Variants in NTNG1 observed in about 807,000 individuals in gnomAD.
The protein encoded by NTNG1 is netrin-G1.
Under a neutral mutation model 54.0 loss-of-function variants are expected in NTNG1, and 16 were observed. The ratio of observed to expected loss-of-function variants is 0.30; its 90% CI spans 0.20 to 0.45. The LOEUF (loss-of-function observed/expected upper bound fraction) is 0.45, where lower values mean the gene tolerates loss of function less well. NTNG1 is among the 20% of genes least tolerant of loss of function. The probability of loss-of-function intolerance (pLI) is 1.00; values close to 1 mark genes in which losing one functional copy is unlikely to be tolerated. For synonymous variants in NTNG1, 255 were observed against 263.1 expected (o/e 0.97, Z 0.30); for missense variants, 530 against 678.7 (o/e 0.78, Z 2.43).
chr1:107,357,157 G>A (rs948874364), intron 3 of NTNG1, among the ~76,000 whole-genome samples: 10 of 152,130 alleles, frequency 6.6e-5, no homozygotes, highest in African/African-American at 2.2e-4. Flanking sequence ...AATTGGCCCT[G>A]ACAATTGTGT....
At chr1:107,183,609 T>C (rs1657231067) in intron 2 of NTNG1, among the ~76,000 whole-genome samples, 1 of 152,130 alleles carries the variant, frequency 6.6e-6, no homozygotes, top group African/African-American at 2.4e-5. Context: ...TTGGAGGACA[T>C]CGAGCTTTTG....
At chr1:107,283,450 A>G (rs747553311) in intron 2 of NTNG1, among the ~76,000 whole-genome samples, 1 of 152,134 alleles carries the variant, frequency 6.6e-6, no homozygotes, top group Non-Finnish European at 1.5e-5. Context: ...AAAGAGCACC[A>G]AACCCACATG....
At chr1:107,281,768 A>G (rs1337218139) in intron 2 of NTNG1, among the ~76,000 whole-genome samples, 2 of 152,172 alleles carry the variant, frequency 1.3e-5, no homozygotes, top group African/African-American at 4.8e-5. Flanking sequence ...ACTGTCCATG[A>G]CAATATAAAC....
intron 2 of NTNG1, among the ~76,000 whole-genome samples, chr1:107,243,450 A>G (rs1001618966): frequency 3.3e-5 from 5 of 152,232 alleles, no homozygotes; most frequent in Non-Finnish European, 5.9e-5. Flanking sequence ...AAGTCCCACC[A>G]CTGTTAAATG....
chr1:107,425,578 C>A (rs1674852818), intron 5 of NTNG1, among the ~76,000 whole-genome samples: 1 of 152,048 alleles, frequency 6.6e-6, no homozygotes. Context: ...TTTAATCAAC[C>A]ATTGGTGGAC....
At chr1:107,318,437 C>G (rs568771606) in intron 2 of NTNG1, among the ~76,000 whole-genome samples, 32 of 130,800 alleles carry the variant, frequency 2.4e-4, no homozygotes, top group African/African-American at 7.7e-4. Context: ...AAAGTGTTTC[C>G]TTTGAAAAGG....
intron 2 of NTNG1, among the ~76,000 whole-genome samples, chr1:107,181,280 C>G (rs185241437): frequency 6.6e-6 from 1 of 152,264 alleles, no homozygotes; most frequent in East Asian, 1.9e-4. Flanking sequence ...ATAAAAAATA[C>G]ATTTCAGTGA....
chr1:107,316,079 A>C (rs1667321527), intron 2 of NTNG1, among the ~76,000 whole-genome samples: 1 of 152,208 alleles, frequency 6.6e-6, no homozygotes, highest in Admixed American at 6.5e-5. Context: ...CTTTAAAAAT[A>C]CCAGTTCCTG....
intron 3 of NTNG1, among the ~76,000 whole-genome samples, chr1:107,337,366 A>G (rs1258384244): frequency 6.6e-6 from 1 of 152,056 alleles, no homozygotes; most frequent in African/African-American, 2.4e-5. Flanking sequence ...TCACAAAAGG[A>G]CAAATGTTAC....
chr1:107,243,319 A>G (rs1661966768), intron 2 of NTNG1, among the ~76,000 whole-genome samples: 1 of 152,242 alleles, frequency 6.6e-6, no homozygotes, highest in African/African-American at 2.4e-5. Flanking sequence ...GCAGAATTCC[A>G]AGGAATAACC....
At chr1:107,244,073 TG>T (rs1295635707) in intron 2 of NTNG1, among the ~76,000 whole-genome samples, 1 of 152,170 alleles carries the variant, frequency 6.6e-6, no homozygotes, top group East Asian at 1.9e-4. Flanking sequence ...GCTAAAAACA[TG>T]CTAGTATAAT....
At chr1:107,476,452 G>T (rs1678335003) in intron 7 of NTNG1, among the ~76,000 whole-genome samples, 3 of 152,160 alleles carry the variant, frequency 2.0e-5, no homozygotes, top group African/African-American at 7.2e-5. Context: ...CAAAACAGCT[G>T]CAGAAGAACC....
In NTNG1 at chr1:107,395,220, G is replaced by A; in HGVS notation, c.954G>A (p.Glu318=). The part of the protein sequence containing the change: ...YDNSKLTCEC[E]HNTTGPDCGK... ...ACAGCAAATTGACATGCGAATGTGA[G>A]CACAACACTACAGGTCCAGACTGTG... The change falls in exon 4 of 8, where the codon GAG becomes GAA. Residue 318 remains glutamate, a synonymous_variant. Coordinates refer to ENST00000370068, the MANE Select transcript of NTNG1 (RefSeq NM_001113226.3). 6.2e-7 allele frequency: 1 copy of A among 1,613,466 alleles called. No individual in the cohort carries two copies. The highest frequency in any genetic ancestry group is 8.5e-7 in the Non-Finnish European group (1 of 1,179,524).
At position 107,324,669 on chromosome 1, in the gene NTNG1, A is replaced by C. The variant is rs143602371; in HGVS notation, c.634A>C (p.Thr212Pro). ...LEIICTEEYS[T>P]GYTTNSKIIH... ...AATCATTTGCACAGAAGAGTACTCAACAGGGTATACAACAAATAGCAAAAT... is the reference window on the plus strand; with the variant it reads ...AATCATTTGCACAGAAGAGTACTCACCAGGGTATACAACAAATAGCAAAAT... The change falls in exon 3 of 8, where the codon ACA becomes CCA. Residue 212 changes from threonine to proline, a missense_variant. Coordinates refer to ENST00000370068, the MANE Select transcript of NTNG1 (RefSeq NM_001113226.3). The C allele has an allele frequency of 1.8e-5, 29 of 1,613,576 alleles. No homozygotes were observed. The African/African-American group carries it at 3.5e-4, about 19-fold the overall frequency.
intron 7 of NTNG1, chr1:107,455,651 C>T (rs746930713): frequency 4.1e-6 from 2 of 486,478 alleles, no homozygotes; most frequent in East Asian, 5.9e-5. Context: ...ACTGCTGTTG[C>T]ACTGCAGCCA....
chr1:107,421,651 G>C (rs976833770), intron 5 of NTNG1, among the ~76,000 whole-genome samples: 1 of 151,962 alleles, frequency 6.6e-6, no homozygotes, highest in Non-Finnish European at 1.5e-5. Flanking sequence ...GTGTTGCTTA[G>C]GATCCAAAAA....
chr1:107,361,154 T>C (rs1670243076), intron 3 of NTNG1, among the ~76,000 whole-genome samples: 1 of 145,092 alleles, frequency 6.9e-6, no homozygotes, highest in Non-Finnish European at 1.5e-5. Context: ...ATTATATATT[T>C]CTTATATAAA....
intron 2 of NTNG1, among the ~76,000 whole-genome samples, chr1:107,228,208 TC>T: frequency 6.6e-6 from 1 of 152,286 alleles, no homozygotes; most frequent in African/African-American, 2.4e-5. Context: ...AATAGCATTA[TC>T]CCTTATGCCA....
intron 2 of NTNG1, among the ~76,000 whole-genome samples, chr1:107,248,488 T>TAAGGAA (rs1662347898): frequency 6.6e-6 from 1 of 152,176 alleles, no homozygotes; most frequent in South Asian, 2.1e-4. Flanking sequence ...AAGGAGTTAA[T>TAAGGAA]CTTACTAAGG....
Sources: gnomAD v4.1 joint callset for allele counts (sites outside exome capture counted in the v4.1 genomes callset) on GRCh38, gnomAD v4.1.1 for gene constraint, MANE v1.5 for transcripts, NCBI Gene and HGNC (gene_info 2026-07-23, HGNC 2026-07-21) for gene names.